NREP: variants seen among roughly 807,000 people sequenced by gnomAD.
NREP encodes neuronal regeneration related protein.
NREP carries 5 observed loss-of-function variants against 8.6 expected under a neutral mutation model. That is an observed-to-expected ratio of 0.58 (90% confidence interval 0.30 to 1.22). The LOEUF (loss-of-function observed/expected upper bound fraction) is 1.22. NREP is among the 50% of genes most tolerant of loss of function. The pLI, the probability that NREP is intolerant of heterozygous loss-of-function variation, is 0.07. For missense variants in NREP, 86 were observed against 82.5 expected (o/e 1.04, Z -0.17); for synonymous variants, 27 against 28.0 (o/e 0.96, Z 0.11).
At chr5:111,846,013 AC>A in intron 2 of NREP, 1 of 155,226 alleles carries the variant, frequency 6.4e-6, no homozygotes, top group Non-Finnish European at 1.4e-5. Context: ...TTAAGCTGCT[AC>A]CCAAGACAGT....
intron 2 of NREP, among the ~76,000 whole-genome samples, chr5:111,950,699 GAA>G (rs199589410): frequency 0.14 from 16,251 of 118,820 alleles, 1,464 homozygotes; most frequent in African/African-American, 0.27. Context: ...AAATTTACAA[GAA>G]AAAAAAAAAA....
chr5:111,886,869 G>T (rs1374774089), intron 2 of NREP, among the ~76,000 whole-genome samples: 1 of 151,882 alleles, frequency 6.6e-6, no homozygotes, highest in African/African-American at 2.4e-5. Flanking sequence ...TAGACCTAAT[G>T]CTAAATGACG....
At chr5:111,975,330 T>C in exon 2 of NREP, 1 of 1,551,680 alleles carries the variant, frequency 6.4e-7, no homozygotes, top group Admixed American at 2.0e-5. Flanking sequence ...CAAGGGACTC[T>C]GTCTGTCATC....
In NREP at chr5:111,730,844, G is replaced by GA. The variant is rs909279725; in HGVS notation, c.*76dup. On this transcript the variant is annotated 3_prime_UTR_variant, in exon 4 of 4. Transcript: ENST00000257435. ...CTTCTTATACTTGATGATTTACACAGAAAAAAATCCCATATATGATACCAT... is the reference window on the plus strand; with the variant it reads ...CTTCTTATACTTGATGATTTACACAGAAAAAAAATCCCATATATGATACCAT... 3.3e-4 allele frequency: 496 copies of GA among 1,512,188 alleles called. 1 individual carries two copies. The highest frequency in any genetic ancestry group is 4.2e-4 in the Admixed American group (23 of 54,478). 93.7% of individuals were successfully genotyped at this position (1,512,188 alleles called of 1,614,324 possible).
rs537534043 is a variant in NREP at position 111,799,916 on chromosome 5, G to T, written c.136-64409C>A. Among the ~76,000 whole-genome samples, 3 of 152,164 alleles carry T rather than the reference G, an allele frequency of 2.0e-5. No homozygotes were observed. The South Asian group carries it at 6.2e-4, about 32-fold the overall frequency. On this transcript the variant is annotated intron_variant, in intron 2 of 3. Coordinates refer to the NREP transcript ENST00000395634. Reference sequence around the variant, plus strand: ...TTGGTAGTAAAGTTTTATATTTAATGAAATGTAATTTTTGTTTTTTTGAGA... The same window carrying T: ...TTGGTAGTAAAGTTTTATATTTAATTAAATGTAATTTTTGTTTTTTTGAGA...
chr5:111,797,246 A>C (rs1403916785), intron 2 of NREP, among the ~76,000 whole-genome samples: 1 of 152,234 alleles, frequency 6.6e-6, no homozygotes. Flanking sequence ...GCACTATGCA[A>C]GTGTCAGAGA....
exon 2 of NREP, chr5:111,975,289 A>C (rs1283199104): frequency 6.4e-7 from 1 of 1,551,020 alleles, no homozygotes; most frequent in African/African-American, 1.4e-5. Flanking sequence ...TCAGAACAGA[A>C]ATCTGGCAGT....
chr5:111,746,000 C>G (rs1384723901), intron 2 of NREP, among the ~76,000 whole-genome samples: 1 of 152,018 alleles, frequency 6.6e-6, no homozygotes, highest in Non-Finnish European at 1.5e-5. Flanking sequence ...GTATTTGATC[C>G]TCATATTGCA....
chr5:111,752,509 C>T (rs1229532478), intron 2 of NREP, among the ~76,000 whole-genome samples: 2 of 152,132 alleles, frequency 1.3e-5, no homozygotes, highest in Non-Finnish European at 2.9e-5. Flanking sequence ...TGAATAGGAC[C>T]GCATCCCTCC....
chr5:111,777,865 C>T (rs984768657), intron 2 of NREP, among the ~76,000 whole-genome samples: 1 of 152,088 alleles, frequency 6.6e-6, no homozygotes, highest in Non-Finnish European at 1.5e-5. Context: ...CTTTCCCCAT[C>T]TAGTCCAATT....
At chr5:111,737,480 A>C (rs1749232880) in intron 2 of NREP, among the ~76,000 whole-genome samples, 1 of 152,178 alleles carries the variant, frequency 6.6e-6, no homozygotes, top group South Asian at 2.1e-4. Flanking sequence ...TACATGTAAA[A>C]ACTTTGTAGG....
chr5:111,797,074 T>C (rs1581124592), intron 2 of NREP, among the ~76,000 whole-genome samples: 1 of 148,302 alleles, frequency 6.7e-6, no homozygotes, highest in South Asian at 2.1e-4. Flanking sequence ...GATAGATAGA[T>C]AGATAGATAG....
rs58877839 is a variant in NREP at position 111,964,855 on chromosome 5, C to CAAAAAAAAAAAAAAAAA, written c.135+10402_135+10418dup. Among the ~76,000 whole-genome samples the CAAAAAAAAAAAAAAAAA allele has an allele frequency of 1.2e-3, 52 of 44,882 alleles. 4 individuals carry two copies. Among genetic ancestry groups the CAAAAAAAAAAAAAAAAA allele is most frequent in the South Asian group, 1.5e-3 (1 of 686 alleles). 29.4% of individuals were successfully genotyped at this position (44,882 alleles called of 152,430 possible). A position where few individuals can be genotyped will look rare whatever the true frequency, so the allele number is the denominator to read the frequency against. ...AGTCTACTTAGAATGCTTTCAGCAG[C>CAAAAAAAAAAAAAAAAA]AAAAAAAAAAAAAAAAAAAAAAAAA... On this transcript the variant is annotated intron_variant, in intron 2 of 3. Transcript: ENST00000395634.
In NREP at chr5:111,782,373, G is replaced by A. The variant is rs148115023; in HGVS notation, c.136-46866C>T. ...ACCTAAAGCACTTTGTTAGTTATCC[G>A]CCTTAAAAGGCATTGATTCATCTCT... On this transcript the variant is annotated intron_variant, in intron 2 of 3. Coordinates refer to the NREP transcript ENST00000395634. 2.7e-3 allele frequency among the ~76,000 whole-genome samples: 418 copies of A among 152,268 alleles called. 3 individuals carry two copies. Among genetic ancestry groups the A allele is most frequent in the South Asian group, 0.019 (93 of 4,828 alleles).
chr5:111,881,721 G>A (rs907054430), intron 2 of NREP, among the ~76,000 whole-genome samples: 1 of 152,100 alleles, frequency 6.6e-6, no homozygotes, highest in Non-Finnish European at 1.5e-5. Flanking sequence ...CGGCAAACAG[G>A]GTCTGGAGTG....
At chr5:111,944,418 C>G (rs2112622014) in intron 2 of NREP, among the ~76,000 whole-genome samples, 1 of 152,188 alleles carries the variant, frequency 6.6e-6, no homozygotes, top group Non-Finnish European at 1.5e-5. Flanking sequence ...GGCAATCCCT[C>G]CACCTAAGAC....
intron 2 of NREP, among the ~76,000 whole-genome samples, chr5:111,815,331 T>C (rs1398209879): frequency 6.6e-6 from 1 of 152,172 alleles, no homozygotes; most frequent in Non-Finnish European, 1.5e-5. Context: ...CATAACTGAT[T>C]GGATTGAAAT....
At chr5:111,964,383 T>C (rs747443302) in intron 2 of NREP, among the ~76,000 whole-genome samples, 20 of 152,288 alleles carry the variant, frequency 1.3e-4, no homozygotes, top group Middle Eastern at 3.4e-3. Flanking sequence ...GGGGGTTTTC[T>C]TTGAGACAGA....
intron 2 of NREP, among the ~76,000 whole-genome samples, chr5:111,820,676 T>G (rs1752496506): frequency 6.6e-6 from 1 of 152,154 alleles, no homozygotes; most frequent in Admixed American, 6.5e-5. Flanking sequence ...TATTTCATAT[T>G]TAAAAATAAA....
Sources: gnomAD v4.1 joint callset for allele counts (sites outside exome capture counted in the v4.1 genomes callset) on GRCh38, gnomAD v4.1.1 for gene constraint, MANE v1.5 for transcripts, NCBI Gene and HGNC (gene_info 2026-07-23, HGNC 2026-07-21) for gene names.